Variants in DCX observed in about 807,000 individuals in gnomAD.
DCX encodes the protein doublecortin.
Under a neutral mutation model 20.9 loss-of-function variants are expected in DCX, and 4 were observed. The observed-to-expected ratio is 0.19, with a 90% CI of 0.09 to 0.44. The LOEUF (loss-of-function observed/expected upper bound fraction) is 0.44, where lower values mean the gene tolerates loss of function less well. DCX is among the 20% of genes least tolerant of loss of function. The pLI is 0.99. For missense variants in DCX, 133 were observed against 296.9 expected, an observed-to-expected ratio of 0.45 and a Z score of 4.06; for synonymous variants, 103 against 111.4, an observed-to-expected ratio of 0.92 and a Z score of 0.47.
chrX:111,394,140 A>G (rs1927154142), intron 3 of DCX, among the ~76,000 whole-genome samples: 1 of 112,364 alleles, frequency 8.9e-6, no homozygotes, highest in East Asian at 2.8e-4. Flanking sequence ...AAATCCATAC[A>G]ATAGAATGTT....
At chrX:111,306,316 C>A (rs894661643) in intron 6 of DCX, among the ~76,000 whole-genome samples, 2 of 110,998 alleles carry the variant, frequency 1.8e-5, no homozygotes, top group Non-Finnish European at 3.8e-5. Flanking sequence ...GACTTTAAGA[C>A]AAAAATTATT....
At chrX:111,370,693 T>C (rs1190544351) in intron 3 of DCX, among the ~76,000 whole-genome samples, 2 of 110,586 alleles carry the variant, frequency 1.8e-5, no homozygotes, top group African/African-American at 6.6e-5. Context: ...AGGTACATTA[T>C]TCATAAAGAA....
intron 3 of DCX, among the ~76,000 whole-genome samples, chrX:111,381,569 A>T (rs1190180976): frequency 9.0e-6 from 1 of 110,902 alleles, no homozygotes; most frequent in Non-Finnish European, 1.9e-5. Flanking sequence ...TGAAGAAAAC[A>T]ACTCTACTCA....
chrX:111,305,880 G>A (rs1234532593), intron 6 of DCX, among the ~76,000 whole-genome samples: 3 of 110,820 alleles, frequency 2.7e-5, no homozygotes, highest in African/African-American at 9.8e-5. Context: ...TAAGTAGAGT[G>A]TATTAAAATG....
At chrX:111,316,086 T>TAAAAAAAAAAAAAAA (rs754058802) in intron 5 of DCX, among the ~76,000 whole-genome samples, 1 of 50,659 alleles carries the variant, frequency 2.0e-5, no homozygotes, top group Non-Finnish European at 3.6e-5. Flanking sequence ...TAATAAAAAA[T>TAAAAAAAAAAAAAAA]AAAAAAAAAA....
intron 3 of DCX, among the ~76,000 whole-genome samples, chrX:111,359,884 C>T (rs989785674): frequency 3.6e-5 from 4 of 111,689 alleles, no homozygotes; most frequent in Admixed American, 1.9e-4. Context: ...AAACAGCACT[C>T]TTAAACACTA....
At chrX:111,314,375 T>C (rs778187530) in intron 5 of DCX, among the ~76,000 whole-genome samples, 5 of 111,972 alleles carry the variant, frequency 4.5e-5, no homozygotes, top group Non-Finnish European at 9.4e-5. Flanking sequence ...AAATAAACGC[T>C]AAGACATAGC....
intron 3 of DCX, among the ~76,000 whole-genome samples, chrX:111,337,233 A>G (rs1418505660): frequency 8.9e-6 from 1 of 112,200 alleles, no homozygotes; most frequent in African/African-American, 3.2e-5. Context: ...TCTTGCTGAC[A>G]TCAGCTTCAG....
Position 111,317,411 on chromosome X carries a change from A to G in DCX, c.947-4675T>C, listed in dbSNP as rs769525056. Among the ~76,000 whole-genome samples, 12 of 111,641 alleles carry G rather than the reference A, an allele frequency of 1.1e-4. No individual in the cohort carries two copies. In the East Asian group the frequency reaches 1.7e-3, roughly 16 times the overall value. ...GATCTCGGCCCTTTCCTTACACCAT[A>G]TACAAAAATTAACTCAAGGCGGATC... On this transcript the variant is annotated intron_variant, in intron 5 of 6. Transcript: ENST00000636035.
At chrX:111,368,626 CAG>C (rs1273764463) in intron 3 of DCX, among the ~76,000 whole-genome samples, 6 of 110,565 alleles carry the variant, frequency 5.4e-5, no homozygotes, top group Non-Finnish European at 7.6e-5. Context: ...AATGAGTTTA[CAG>C]AGAGTTAAAA....
rs924092476 is a variant in DCX, at chrX:111,298,918, A to C, written c.*2769T>G. On this transcript the variant is annotated 3_prime_UTR_variant, in exon 7 of 7. Coordinates refer to ENST00000636035, the MANE Select transcript of DCX (RefSeq NM_001195553.2). ...CTATTTCTATTTCTGTAGGGAAGAA[A>C]AATCAGGAGGTAGGAACAAGCAAGA... The C allele has an allele frequency of 9.0e-6, 1 of 110,591 alleles. No individual in the cohort carries two copies. Among genetic ancestry groups the C allele is most frequent in the Non-Finnish European group, 1.9e-5 (1 of 52,959 alleles). The allele number at this position is 110,591 out of a possible 1,213,427, so 9.1% of individuals were successfully genotyped here.
chrX:111,410,467 A>C lies in DCX; in HGVS notation c.-22-47T>G, dbSNP rs748550916. 4.5e-5 allele frequency: 53 copies of C among 1,189,832 alleles called. No individual in the cohort carries two copies. In the South Asian group the frequency reaches 9.2e-4, roughly 21 times the overall value. ...GGGGGTGAAGAGAGGCAAAAACAAAAAGGGACAAGGAGAAGGAAAAAAGAA... is the reference window on the plus strand; with the variant it reads ...GGGGGTGAAGAGAGGCAAAAACAAACAGGGACAAGGAGAAGGAAAAAAGAA... On this transcript the variant is annotated intron_variant, in intron 1 of 6. Transcript: ENST00000636035.
At chrX:111,306,059 G>A (rs975237435) in intron 6 of DCX, among the ~76,000 whole-genome samples, 4 of 111,135 alleles carry the variant, frequency 3.6e-5, no homozygotes, top group Non-Finnish European at 7.6e-5. Context: ...ATCGCAAAAT[G>A]GTAGATGTAA....
chrX:111,316,097 A>G (rs5985324), intron 5 of DCX, among the ~76,000 whole-genome samples: 1 of 105,715 alleles, frequency 9.5e-6, no homozygotes, highest in Non-Finnish European at 1.9e-5. Flanking sequence ...AAAAAAAAAA[A>G]AAAAAAAAAA....
intron 2 of DCX, among the ~76,000 whole-genome samples, chrX:111,405,862 CT>C (rs1471152199): frequency 9.0e-6 from 1 of 111,059 alleles, no homozygotes; most frequent in East Asian, 2.8e-4. Flanking sequence ...CATCAATAAC[CT>C]TTGATCCAAA....
chrX:111,403,518 G>A (rs1360549540), intron 2 of DCX, among the ~76,000 whole-genome samples: 1 of 111,073 alleles, frequency 9.0e-6, no homozygotes, highest in Non-Finnish European at 1.9e-5. Flanking sequence ...AATCTATGTT[G>A]AGCACCTTCC....
At chrX:111,390,702 A>T (rs1603422128) in intron 3 of DCX, among the ~76,000 whole-genome samples, 1 of 111,455 alleles carries the variant, frequency 9.0e-6, no homozygotes, top group East Asian at 2.8e-4. Context: ...TCCCCTGCTT[A>T]AAATCCTTCA....
intron 5 of DCX, among the ~76,000 whole-genome samples, chrX:111,321,629 GT>G (rs1364011044): frequency 1.8e-5 from 2 of 111,568 alleles, no homozygotes; most frequent in East Asian, 5.6e-4. Flanking sequence ...AGAGAGTCCA[GT>G]TTTTGGTGCG....
intron 3 of DCX, among the ~76,000 whole-genome samples, chrX:111,343,188 A>C (rs1348596425): frequency 9.2e-6 from 1 of 108,762 alleles, no homozygotes; most frequent in Non-Finnish European, 1.9e-5. Context: ...TAGCCTAATA[A>C]AAAGAAAAGA....
Sources: gnomAD v4.1 joint callset for allele counts (sites outside exome capture counted in the v4.1 genomes callset) on GRCh38, gnomAD v4.1.1 for gene constraint, MANE v1.5 for transcripts, NCBI Gene and HGNC (gene_info 2026-07-23, HGNC 2026-07-21) for gene names.